The following EYS variants were observed in gnomAD, a reference collection of about 807,000 sequenced individuals.
EYS encodes the protein EGF-like photoreceptor maintenance factor.
In EYS, 250 loss-of-function variants were observed where a neutral mutation model predicts 282.1. The ratio of observed to expected loss-of-function variants is 0.89; its 90% CI spans 0.80 to 0.98. The LOEUF is 0.98. EYS is among the 50% of genes least tolerant of loss of function. EYS has a pLI of 0.00. For synonymous variants in EYS, 1,355 were observed against 1,282.9 expected, an observed-to-expected ratio of 1.06 and a Z score of -1.20; for missense variants, 4,016 against 3,709.0, an observed-to-expected ratio of 1.08 and a Z score of -2.15.
intron 29 of EYS, among the ~76,000 whole-genome samples, chr6:64,344,030 C>T (rs1212481191): frequency 6.6e-6 from 1 of 152,054 alleles, no homozygotes; most frequent in Non-Finnish European, 1.5e-5. Context: ...TCTGAATAGA[C>T]CAATAACAGG....
At chr6:64,387,362 C>A (rs1772947799) in intron 29 of EYS, among the ~76,000 whole-genome samples, 1 of 151,956 alleles carries the variant, frequency 6.6e-6, no homozygotes, top group South Asian at 2.1e-4. Flanking sequence ...AAATGCTCAG[C>A]TATATTTATA....
chr6:64,311,501 T>C (rs530697213), intron 29 of EYS, among the ~76,000 whole-genome samples: 1 of 152,324 alleles, frequency 6.6e-6, no homozygotes, highest in East Asian at 1.9e-4. Context: ...AATGGCAATG[T>C]AGTATGCCAA....
At chr6:64,022,962 T>A (rs144732411) in intron 33 of EYS, among the ~76,000 whole-genome samples, 52 of 152,360 alleles carry the variant, frequency 3.4e-4, no homozygotes, top group Non-Finnish European at 6.9e-4. Flanking sequence ...AGATTTGTCT[T>A]TAATTTTTTA....
At chr6:64,441,462 T>C in intron 26 of EYS, among the ~76,000 whole-genome samples, 1 of 152,310 alleles carries the variant, frequency 6.6e-6, no homozygotes, top group Middle Eastern at 3.4e-3. Flanking sequence ...CAGGAGATGA[T>C]ACATGGCTCC....
intron 18 of EYS, among the ~76,000 whole-genome samples, chr6:64,893,167 T>C (rs1767342628): frequency 6.6e-6 from 1 of 151,812 alleles, no homozygotes; most frequent in Non-Finnish European, 1.5e-5. Context: ...GGATAACATA[T>C]GCTATCAAGT....
intron 24 of EYS, among the ~76,000 whole-genome samples, chr6:64,596,465 A>G (rs893503401): frequency 6.6e-6 from 1 of 152,198 alleles, no homozygotes; most frequent in Non-Finnish European, 1.5e-5. Flanking sequence ...TTTAAATTAT[A>G]CTATGTAGCT....
At chr6:64,705,716 C>T (rs1770981260) in intron 22 of EYS, among the ~76,000 whole-genome samples, 1 of 151,134 alleles carries the variant, frequency 6.6e-6, no homozygotes, top group Admixed American at 6.6e-5. Flanking sequence ...TCTCAGTAAA[C>T]TATCGCAAGA....
At chr6:64,043,480 T>C (rs1352221808) in intron 33 of EYS, among the ~76,000 whole-genome samples, 7 of 152,242 alleles carry the variant, frequency 4.6e-5, no homozygotes, top group Admixed American at 6.5e-5. Context: ...TTCCCACCAT[T>C]ACTTTTGTGC....
intron 22 of EYS, among the ~76,000 whole-genome samples, chr6:64,763,493 C>A (rs1036925352): frequency 2.0e-5 from 3 of 152,126 alleles, no homozygotes; most frequent in African/African-American, 7.2e-5. Flanking sequence ...CCTCACAATC[C>A]AATCACCTCC....
chr6:63,737,073 C>A (rs1384798049), intron 41 of EYS, among the ~76,000 whole-genome samples: 1 of 150,602 alleles, frequency 6.6e-6, no homozygotes, highest in Non-Finnish European at 1.5e-5. Flanking sequence ...ACTGAATACC[C>A]TTTATTTCCT....
chr6:65,320,181 TG>T (rs1299345588), intron 11 of EYS, among the ~76,000 whole-genome samples: 1 of 149,140 alleles, frequency 6.7e-6, no homozygotes, highest in Non-Finnish European at 1.5e-5. Context: ...ACAAAATGGA[TG>T]GGGACTACAT....
At chr6:64,966,981 A>G (rs1770116138) in intron 14 of EYS, among the ~76,000 whole-genome samples, 1 of 152,166 alleles carries the variant, frequency 6.6e-6, no homozygotes, top group Non-Finnish European at 1.5e-5. Flanking sequence ...TAGCACATCA[A>G]AAAGCCATGG....
intron 12 of EYS, among the ~76,000 whole-genome samples, chr6:65,272,550 C>T (rs1197695005): frequency 6.6e-6 from 1 of 152,074 alleles, no homozygotes; most frequent in Non-Finnish European, 1.5e-5. Context: ...TCCAAAAACC[C>T]CAGAACCATT....
At chr6:63,840,791 C>T (rs1252168600) in intron 36 of EYS, among the ~76,000 whole-genome samples, 1 of 152,076 alleles carries the variant, frequency 6.6e-6, no homozygotes, top group Non-Finnish European at 1.5e-5. Flanking sequence ...TTATTGAAGA[C>T]ACTGTCTTTT....
intron 12 of EYS, among the ~76,000 whole-genome samples, chr6:65,199,584 A>G (rs1194899048): frequency 6.6e-6 from 1 of 152,162 alleles, no homozygotes; most frequent in African/African-American, 2.4e-5. Context: ...TAGAGTGTCT[A>G]TCATAGCAAA....
intron 31 of EYS, among the ~76,000 whole-genome samples, chr6:64,108,714 A>C (rs561495390): frequency 1.3e-5 from 2 of 149,500 alleles, no homozygotes; most frequent in South Asian, 4.2e-4. Context: ...TCTATTCCTG[A>C]CTGCCATGGT....
chr6:64,564,137 G>T (rs369539791), intron 26 of EYS, among the ~76,000 whole-genome samples: 2 of 151,870 alleles, frequency 1.3e-5, no homozygotes, highest in African/African-American at 4.8e-5. Context: ...GGATCACATA[G>T]TAATGCTGTT....
intron 41 of EYS, among the ~76,000 whole-genome samples, chr6:63,747,077 T>A (rs1017130488): frequency 6.6e-6 from 1 of 152,366 alleles, no homozygotes; most frequent in African/African-American, 2.4e-5. Flanking sequence ...TTTAGTGCTA[T>A]AAATTTCCCT....
chr6:63,956,740 G>A (rs1765841741), intron 35 of EYS, among the ~76,000 whole-genome samples: 1 of 152,046 alleles, frequency 6.6e-6, no homozygotes, highest in Admixed American at 6.6e-5. Context: ...AACTTGCCTT[G>A]TCTGCAAGTT....
Sources: allele counts gnomAD v4.1 joint callset (sites outside exome capture counted in the v4.1 genomes callset), GRCh38; gene constraint gnomAD v4.1.1; transcripts MANE v1.5; gene names NCBI Gene and HGNC (gene_info 2026-07-23, HGNC 2026-07-21).